The following POTEF variants were observed in gnomAD, a reference collection of about 807,000 sequenced individuals.
POTEF encodes ANKRD26-like family C member 1B.
Under a neutral mutation model 83.2 loss-of-function variants are expected in POTEF, and 20 were observed. That is an observed-to-expected ratio of 0.24 (90% CI 0.17 to 0.35). The LOEUF is 0.35. Among genes scored for constraint, POTEF ranks in the 10% least tolerant of loss-of-function variants. The pLI is 1.00. For missense variants in POTEF, 550 were observed against 1,203.2 expected (o/e 0.46, Z 8.03); for synonymous variants, 196 against 446.4 (o/e 0.44, Z 7.07).
At chr2:130,128,729 C>G (rs926399501) in intron 1 of POTEF, among the ~76,000 whole-genome samples, 1 of 149,736 alleles carries the variant, frequency 6.7e-6, no homozygotes, top group African/African-American at 2.5e-5. Flanking sequence ...GACAACACTC[C>G]TAAACCACCC....
chr2:130,104,637 G>A (rs1467120670), intron 8 of POTEF, among the ~76,000 whole-genome samples: 3 of 151,600 alleles, frequency 2.0e-5, no homozygotes, highest in Admixed American at 2.0e-4. Context: ...TGAATTTGCT[G>A]TGCTGCCTTC....
Position 130,129,061 on chromosome 2 carries a change from G to A in POTEF, c.-250+11C>T, listed in dbSNP as rs956670851. 2.1e-4 allele frequency: 23 copies of A among 110,382 alleles called. 1 individual carries two copies. The highest frequency in any genetic ancestry group is 7.7e-4 in the African/African-American group (20 of 26,072). The allele number at this position is 110,382 out of a possible 1,614,324, so 6.8% of individuals were successfully genotyped here. A position where few individuals can be genotyped will look rare whatever the true frequency, so the allele number is the denominator to read the frequency against. ...CCCCACAGGCGGGCAGTACATCCCC[G>A]GATAACTCACCTACACCAGGACATT... On this transcript the variant is annotated intron_variant, in intron 1 of 16. Coordinates refer to ENST00000409914, the MANE Select transcript of POTEF (RefSeq NM_001099771.2).
intron 1 of POTEF, 74 bp downstream of exon 1, chr2:130,128,998 C>G (rs1685172538): frequency 1.8e-5 from 2 of 110,336 alleles, no homozygotes; most frequent in Non-Finnish European, 3.7e-5. Context: ...GCAGTGCAGC[C>G]TCGGGTAGTG....
intron 3 of POTEF, among the ~76,000 whole-genome samples, chr2:130,117,219 T>G (rs1399532405): frequency 8.6e-5 from 13 of 151,988 alleles, no homozygotes; most frequent in African/African-American, 1.2e-4. Flanking sequence ...GATAATTATG[T>G]AATAAAATGT....
At chr2:130,083,324 G>C (rs1402124756) in intron 15 of POTEF, among the ~76,000 whole-genome samples, 3 of 152,118 alleles carry the variant, frequency 2.0e-5, no homozygotes, top group African/African-American at 7.3e-5. Context: ...GACAAAGTGA[G>C]ACTCTGTCTT....
intron 8 of POTEF, 33 bp downstream of exon 8, chr2:130,107,976 C>T (rs1381971703): frequency 6.2e-7 from 1 of 1,604,492 alleles, no homozygotes; most frequent in East Asian, 2.2e-5. Flanking sequence ...TTGGGGACAA[C>T]TGACTAAAGT....
At chr2:130,103,138 G>T (rs1398584275) in intron 8 of POTEF, among the ~76,000 whole-genome samples, 19 of 129,318 alleles carry the variant, frequency 1.5e-4, no homozygotes, top group African/African-American at 5.8e-4. Context: ...GTCTTGCTCT[G>T]TCACCAGGCT....
At chr2:130,125,455 G>A (rs1244892373) in intron 2 of POTEF, among the ~76,000 whole-genome samples, 6 of 149,436 alleles carry the variant, frequency 4.0e-5, no homozygotes, top group African/African-American at 7.6e-5. Context: ...ACATTTCTAC[G>A]GGCTTGAAAA....
intron 7 of POTEF, among the ~76,000 whole-genome samples, chr2:130,109,919 G>C (rs1684662086): frequency 6.6e-6 from 1 of 151,248 alleles, no homozygotes; most frequent in Non-Finnish European, 1.5e-5. Context: ...ATAGGTATGG[G>C]AATTAAAAAA....
intron 7 of POTEF, among the ~76,000 whole-genome samples, chr2:130,108,754 A>G (rs1304701144): frequency 6.7e-6 from 1 of 148,946 alleles, no homozygotes; most frequent in East Asian, 1.9e-4. Context: ...ATATCTCATT[A>G]AAGTAGATAA....
chr2:130,122,319 G>A (rs1375827552), intron 2 of POTEF, among the ~76,000 whole-genome samples: 1 of 149,814 alleles, frequency 6.7e-6, no homozygotes, highest in Non-Finnish European at 1.5e-5. Flanking sequence ...ATACATAGGA[G>A]TGAATTTACT....
At chr2:130,128,526 T>C (rs61608397) in intron 1 of POTEF, among the ~76,000 whole-genome samples, 37,663 of 91,982 alleles carry the variant, frequency 0.41, 7,784 homozygotes, top group Admixed American at 0.52. Flanking sequence ...CCTGTGCCAG[T>C]TGCAGGCAGT....
chr2:130,115,721 T>C (rs1249046021), intron 3 of POTEF, among the ~76,000 whole-genome samples: 2 of 152,230 alleles, frequency 1.3e-5, no homozygotes, highest in African/African-American at 2.4e-5. Flanking sequence ...TATAGAATAG[T>C]TCCTAACACA....
chr2:130,114,185 T>C (rs1684782415), intron 5 of POTEF, among the ~76,000 whole-genome samples: 1 of 150,428 alleles, frequency 6.6e-6, no homozygotes, highest in Admixed American at 6.6e-5. Context: ...GATCTCTAGG[T>C]AGTTTACAAC....
rs1683742264 is a variant in POTEF at position 130,075,013 on chromosome 2, GTCA to G, written c.2456_2458del (p.Met819del). 6.2e-7 allele frequency: 1 copy of G among 1,613,398 alleles called. No homozygotes were observed. The highest frequency in any genetic ancestry group is 8.5e-7 in the Non-Finnish European group (1 of 1,179,932). On this transcript the variant is annotated inframe_deletion, in exon 17 of 17. Coordinates refer to ENST00000409914, the MANE Select transcript of POTEF (RefSeq NM_001099771.2). ...GTTGAAGGTCTCAAACATGATCTGG[GTCA>G]TCTTCTCGCGGTTGGCCTTAGGGTT...
rs750154654 is a variant in POTEF at position 130,075,200 on chromosome 2, C to A, written c.2272G>T (p.Ala758Ser). Residue 758 changes from alanine to serine, a missense_variant, in exon 17 of 17, where the codon GCC becomes TCC. Transcript: ENST00000409914. ...GTCAGGATGCCTCTTTTGCTCTGGGCCTCCTTGCCCACATAGGACTCTTTC... is the reference window on the plus strand; with the variant it reads ...GTCAGGATGCCTCTTTTGCTCTGGGACTCCTTGCCCACATAGGACTCTTTC... ...HQKESYVGKE[A>S]QSKRGILTLK... is the part of the protein sequence containing the mutation. The A allele has an allele frequency of 1.9e-5, 30 of 1,612,766 alleles. No homozygotes were observed. Among genetic ancestry groups the A allele is most frequent in the Non-Finnish European group, 1.5e-5 (18 of 1,179,884 alleles).
chr2:130,075,121 T>A lies in POTEF; in HGVS notation c.2351A>T (p.Lys784Met), dbSNP rs1290601574. ...GIITNWDDME[K>M]IWHHTFYNEL... ...GTTGTAGAAGGTGTGGTGCCAGATC[T>A]TCTCCATGTCATCCCAGTTGGTGAT... Residue 784 changes from lysine (K) to methionine (M), a missense_variant, in exon 17 of 17, where the codon AAG becomes ATG. Coordinates refer to ENST00000409914, the MANE Select transcript of POTEF (RefSeq NM_001099771.2). The A allele has an allele frequency of 1.9e-6, 3 of 1,613,712 alleles. No individual in the cohort carries two copies. The highest frequency in any genetic ancestry group is 4.5e-5 in the East Asian group (2 of 44,860).
chr2:130,107,709 T>C (rs985879570), intron 8 of POTEF: 2 of 383,434 alleles, frequency 5.2e-6, no homozygotes, highest in Admixed American at 4.1e-5. Flanking sequence ...TATGAGAATC[T>C]AATGCCTGAT....
chr2:130,095,075 T>A (rs1216731405), intron 11 of POTEF, among the ~76,000 whole-genome samples: 4 of 76,790 alleles, frequency 5.2e-5, no homozygotes, highest in African/African-American at 2.0e-4. Context: ...TCACCCAGGC[T>A]GGAGTGCAGT....
Sources: gnomAD v4.1 joint callset for allele counts (sites outside exome capture counted in the v4.1 genomes callset) on GRCh38, gnomAD v4.1.1 for gene constraint, MANE v1.5 for transcripts, NCBI Gene and HGNC (gene_info 2026-07-23, HGNC 2026-07-21) for gene names.